RASGRF2: variants seen among roughly 807,000 people sequenced by gnomAD.
The protein encoded by RASGRF2 is Ras protein specific guanine nucleotide releasing factor 2.
RASGRF2 carries 76 observed loss-of-function variants against 151.0 expected under a neutral mutation model. The observed-to-expected ratio is 0.50, with a 90% CI of 0.42 to 0.61. The LOEUF (loss-of-function observed/expected upper bound fraction) is 0.61. Ranked by LOEUF, RASGRF2 falls within the 20% of genes least tolerant of loss-of-function variation. The pLI is 0.00. For missense variants in RASGRF2, 1,148 were observed against 1,564.6 expected, an observed-to-expected ratio of 0.73 and a Z score of 4.49; for synonymous variants, 504 against 566.5, an observed-to-expected ratio of 0.89 and a Z score of 1.57.
chr5:81,011,126 C>A (rs994920953), intron 1 of RASGRF2, among the ~76,000 whole-genome samples: 10 of 152,144 alleles, frequency 6.6e-5, no homozygotes, highest in African/African-American at 2.4e-4. Context: ...AAAAGTTACT[C>A]AGAGGTAACC....
intron 8 of RASGRF2, 23 bp from the exon 9 acceptor site, chr5:81,086,812 A>G: frequency 6.4e-7 from 1 of 1,565,840 alleles, no homozygotes; most frequent in Non-Finnish European, 8.8e-7. Context: ...TCTTACTGTG[A>G]TCCTGTCTGT....
chr5:81,208,841 G>A lies in RASGRF2; in HGVS notation c.3156+403G>A, dbSNP rs117761291. Among the ~76,000 whole-genome samples the A allele has an allele frequency of 5.7e-3, 872 of 152,084 alleles. 12 individuals are homozygous for A. The highest frequency in any genetic ancestry group is 0.051 in the East Asian group (261 of 5,152). On this transcript the variant is annotated intron_variant, in intron 22 of 26. Coordinates refer to ENST00000265080, the MANE Select transcript of RASGRF2 (RefSeq NM_006909.3). ...GTTGGGATTACAGGCGTGAGCCACC[G>A]CACCTGGCCTGCCACCCACTTTTAA...
At chr5:81,104,586 G>A (rs1208546983) in intron 12 of RASGRF2, among the ~76,000 whole-genome samples, 3 of 151,964 alleles carry the variant, frequency 2.0e-5, no homozygotes, top group Non-Finnish European at 4.4e-5. Context: ...TCCATCCAAA[G>A]TAGTACTCTA....
At chr5:80,966,458 T>C (rs1308292084) in intron 1 of RASGRF2, among the ~76,000 whole-genome samples, 1 of 152,188 alleles carries the variant, frequency 6.6e-6, no homozygotes, top group Non-Finnish European at 1.5e-5. Context: ...TGTTTGATTA[T>C]TTTATAACAT....
chr5:80,994,759 T>A (rs544942659), intron 1 of RASGRF2, among the ~76,000 whole-genome samples: 33 of 152,310 alleles, frequency 2.2e-4, no homozygotes, highest in Non-Finnish European at 4.3e-4. Flanking sequence ...CAAGCATGGG[T>A]ATGTACTCTC....
At chr5:81,105,360 A>T (rs1752817449) in intron 12 of RASGRF2, among the ~76,000 whole-genome samples, 1 of 152,040 alleles carries the variant, frequency 6.6e-6, no homozygotes, top group Admixed American at 6.5e-5. Context: ...CGAGACAGAG[A>T]TGCTTCTTTA....
chr5:80,969,432 C>T (rs114606288), intron 1 of RASGRF2, among the ~76,000 whole-genome samples: 2,067 of 150,554 alleles, frequency 0.014, 50 homozygotes, highest in African/African-American at 0.047. Context: ...CCACGACTGG[C>T]CAGCACTCTT....
intron 18 of RASGRF2, among the ~76,000 whole-genome samples, chr5:81,187,465 G>A (rs372129408): frequency 7.2e-4 from 109 of 152,252 alleles, no homozygotes; most frequent in African/African-American, 2.1e-3. Context: ...ACAAGAACCC[G>A]ACCGGGTGGT....
intron 17 of RASGRF2, among the ~76,000 whole-genome samples, chr5:81,140,646 A>C (rs894895239): frequency 2.6e-5 from 4 of 152,158 alleles, no homozygotes; most frequent in African/African-American, 9.7e-5. Context: ...GTGCTTTCCA[A>C]GCAGACCCAA....
chr5:80,961,749 C>G (rs1002953430), intron 1 of RASGRF2, among the ~76,000 whole-genome samples: 3 of 152,160 alleles, frequency 2.0e-5, no homozygotes, highest in African/African-American at 7.2e-5. Flanking sequence ...CCTTTTAATT[C>G]TGGGTCATAA....
intron 17 of RASGRF2, among the ~76,000 whole-genome samples, chr5:81,127,523 G>GACAAA (rs1349939972): frequency 6.6e-6 from 1 of 151,304 alleles, no homozygotes; most frequent in South Asian, 2.1e-4. Context: ...ACCCTATCTC[G>GACAAA]ACAAAACAAA....
chr5:81,206,305 G>A (rs1755506275), intron 19 of RASGRF2, among the ~76,000 whole-genome samples: 1 of 152,168 alleles, frequency 6.6e-6, no homozygotes, highest in Non-Finnish European at 1.5e-5. Flanking sequence ...GAATGCAAGG[G>A]GGAAGAAGCT....
chr5:80,981,408 A>G (rs575314883), intron 1 of RASGRF2, among the ~76,000 whole-genome samples: 12 of 152,260 alleles, frequency 7.9e-5, no homozygotes, highest in African/African-American at 2.9e-4. Context: ...GAGTGTTCTC[A>G]GTGGTCCATG....
intron 17 of RASGRF2, among the ~76,000 whole-genome samples, chr5:81,172,776 G>T (rs964233451): frequency 6.6e-6 from 1 of 152,092 alleles, no homozygotes; most frequent in African/African-American, 2.4e-5. Flanking sequence ...AAAATGCAAG[G>T]ATTTGTTTGG....
rs538925408 is a variant in RASGRF2 at position 81,207,165 on chromosome 5, A to C, written c.2968-81A>C. On this transcript the variant is annotated intron_variant, in intron 20 of 26. Transcript: ENST00000265080. ...GTGAACTTCATGCTTCCACACATGC[A>C]GCTGTCTGCCTCACTGACCTGCAAT... 21 of 1,163,198 alleles carry C rather than the reference A, an allele frequency of 1.8e-5. No individual in the cohort carries two copies. The South Asian group carries it at 2.7e-4, about 15-fold the overall frequency. 72.1% of individuals were successfully genotyped at this position (1,163,198 alleles called of 1,614,324 possible). A position where few individuals can be genotyped will look rare whatever the true frequency, so the allele number is the denominator to read the frequency against.
intron 1 of RASGRF2, among the ~76,000 whole-genome samples, chr5:80,975,965 T>C (rs145520424): frequency 0.022 from 3,303 of 151,922 alleles, 139 homozygotes; most frequent in African/African-American, 0.076. Context: ...CTGCCTCAGC[T>C]TTCTGAGTAG....
rs1040798130 is a variant in RASGRF2 at position 81,179,624 on chromosome 5, G to A, written c.2687-551G>A. On this transcript the variant is annotated intron_variant, in intron 17 of 26. Coordinates refer to ENST00000265080, the MANE Select transcript of RASGRF2 (RefSeq NM_006909.3). ...CTATCACCTGGCATATTTACTATTT[G>A]TGTGTGTGTGGTGAAAACATTTAAA... 2.6e-5 allele frequency among the ~76,000 whole-genome samples: 4 copies of A among 152,076 alleles called. No homozygotes were observed. In the East Asian group the frequency reaches 7.7e-4, roughly 29 times the overall value.
chr5:81,031,959 A>G (rs1256249858), intron 1 of RASGRF2, among the ~76,000 whole-genome samples: 6 of 152,198 alleles, frequency 3.9e-5, no homozygotes, highest in Admixed American at 2.0e-4. Context: ...AAAAAATGAT[A>G]AAGGGGATAT....
In RASGRF2 at chr5:81,196,060, A is replaced by G. The variant is rs535210309; in HGVS notation, c.2794-5270A>G. On this transcript the variant is annotated intron_variant, in intron 18 of 26. Coordinates refer to ENST00000265080, the MANE Select transcript of RASGRF2 (RefSeq NM_006909.3). ...GATCATTTGAAGTCAGGAGTTCGAG[A>G]CCAGCCTGGCCAACATGGCGAAACC... 3.3e-5 allele frequency among the ~76,000 whole-genome samples: 5 copies of G among 152,342 alleles called. No homozygotes were observed. The South Asian group carries it at 8.3e-4, about 25-fold the overall frequency.
Sources: allele counts gnomAD v4.1 joint callset (sites outside exome capture counted in the v4.1 genomes callset), GRCh38; gene constraint gnomAD v4.1.1; transcripts MANE v1.5; gene names NCBI Gene and HGNC (gene_info 2026-07-23, HGNC 2026-07-21).